The following ST7 variants were observed in gnomAD, a reference collection of about 807,000 sequenced individuals.
ST7 encodes the protein suppression of tumorigenicity 7, also known as suppressor of tumorigenicity 7 protein.
Under a neutral mutation model 78.7 loss-of-function variants are expected in ST7, and 28 were observed. That is an observed-to-expected ratio of 0.36 (90% CI 0.26 to 0.49). The LOEUF (loss-of-function observed/expected upper bound fraction) is 0.49. ST7 is among the 20% of genes least tolerant of loss of function. The probability of loss-of-function intolerance (pLI) is 0.99; values close to 1 mark genes in which losing one functional copy is unlikely to be tolerated. For synonymous variants in ST7, 247 were observed against 249.6 expected, an observed-to-expected ratio of 0.99 and a Z score of 0.10; for missense variants, 418 against 696.0, an observed-to-expected ratio of 0.60 and a Z score of 4.49.
intron 12 of ST7, among the ~76,000 whole-genome samples, chr7:117,204,006 G>A (rs144853319): frequency 7.5e-4 from 114 of 152,328 alleles, no homozygotes; most frequent in Middle Eastern, 6.8e-3. Flanking sequence ...GGTGCCTTGT[G>A]ATGAGGACCC....
At chr7:117,211,482 G>A (rs1792288981) in intron 13 of ST7, among the ~76,000 whole-genome samples, 1 of 152,122 alleles carries the variant, frequency 6.6e-6, no homozygotes, top group Admixed American at 6.5e-5. Context: ...GGGTTGAACG[G>A]GAGAGGCCTC....
intron 6 of ST7, 143 bp downstream of exon 6, chr7:117,132,103 T>G: frequency 2.5e-6 from 2 of 800,026 alleles, no homozygotes; most frequent in Non-Finnish European, 3.8e-6. Context: ...TTAAAAAAGT[T>G]TTTTTTTTAA....
chr7:117,050,170 G>A (rs1031081918), intron 1 of ST7, among the ~76,000 whole-genome samples: 1 of 149,888 alleles, frequency 6.7e-6, no homozygotes, highest in African/African-American at 2.5e-5. Flanking sequence ...AGCTGAGATT[G>A]CACCACTGCA....
intron 1 of ST7, among the ~76,000 whole-genome samples, chr7:117,097,896 ATATATATATATATTTTTT>A (rs1265439265): frequency 8.2e-5 from 2 of 24,294 alleles, no homozygotes; most frequent in African/African-American, 1.9e-4. Context: ...ATATATATAT[ATATATATATATATTTTTT>A]TTTTTTTTTT....
intron 1 of ST7, among the ~76,000 whole-genome samples, chr7:116,964,198 G>A (rs1792984350): frequency 6.6e-6 from 1 of 152,142 alleles, no homozygotes; most frequent in Non-Finnish European, 1.5e-5. Context: ...GTTTTGGTCA[G>A]TTGTTAATAC....
chr7:117,136,301 T>A, intron 8 of ST7, 66 bp downstream of exon 8: 1 of 1,589,544 alleles, frequency 6.3e-7, no homozygotes, highest in Non-Finnish European at 8.6e-7. Flanking sequence ...TCAGAGCAAA[T>A]TTTTAGTCCA....
At chr7:117,183,775 T>C (rs982926461) in intron 10 of ST7, among the ~76,000 whole-genome samples, 1 of 152,346 alleles carries the variant, frequency 6.6e-6, no homozygotes, top group African/African-American at 2.4e-5. Context: ...CCCTGAGAAA[T>C]GAGTTTTCTT....
At chr7:117,136,054 G>T in intron 7 of ST7, 27 bp from the exon 8 acceptor site, 1 of 1,609,708 alleles carries the variant, frequency 6.2e-7, no homozygotes, top group Non-Finnish European at 8.5e-7. Context: ...CTTTGTAATT[G>T]ATGGTGGCTA....
Position 117,094,586 on chromosome 7 carries a change from C to T in ST7, c.152-5176C>T, listed in dbSNP as rs553987843. ...TCCCCAGAATCTGGCCCAGTGTAGG[C>T]ACTCAGCAGCTATAGACTGATGTTA... On this transcript the variant is annotated intron_variant, in intron 1 of 15. Coordinates refer to ENST00000323984, the MANE Select transcript of ST7 (RefSeq NM_001369598.1). Among the ~76,000 whole-genome samples the T allele has an allele frequency of 3.3e-5, 5 of 152,318 alleles. No individual in the cohort carries two copies. In the East Asian group the frequency reaches 9.6e-4, roughly 29 times the overall value.
chr7:117,092,237 C>G (rs1303393579), intron 1 of ST7, among the ~76,000 whole-genome samples: 1 of 141,542 alleles, frequency 7.1e-6, no homozygotes, highest in Non-Finnish European at 1.5e-5. Flanking sequence ...CAAGATCACG[C>G]CACTGCACTC....
At chr7:117,050,928 CAAAAA>C (rs11302280) in intron 1 of ST7, among the ~76,000 whole-genome samples, 3 of 112,178 alleles carry the variant, frequency 2.7e-5, no homozygotes, top group Admixed American at 8.7e-5. Context: ...GACTACGTCT[CAAAAA>C]AAAAAAAAAA....
rs1431507377 is a variant in ST7 at position 117,190,580 on chromosome 7, T to C, written c.1152-254T>C. On this transcript the variant is annotated intron_variant, in intron 11 of 15. Coordinates refer to ENST00000323984, the MANE Select transcript of ST7 (RefSeq NM_001369598.1). This position sits in a 1 kb window ranked among gnomAD's most constrained non-coding sequence, Gnocchi z 5.2. ...CAGGTACCTCGTAGAAGATTTAGAT[T>C]AGCCATTTAGACAGAGACTTGACAG... is the stretch of plus-strand genomic sequence containing the variant. Among the ~76,000 whole-genome samples the C allele has an allele frequency of 6.6e-6, 1 of 152,204 alleles. No homozygotes were observed. Among genetic ancestry groups the C allele is most frequent in the African/African-American group, 2.4e-5 (1 of 41,452 alleles).
chr7:117,160,972 G>T (rs916488545), intron 9 of ST7, among the ~76,000 whole-genome samples: 1 of 152,102 alleles, frequency 6.6e-6, no homozygotes, highest in Non-Finnish European at 1.5e-5. Flanking sequence ...TCCAGCTGTG[G>T]TTCATGTGGG....
intron 2 of ST7, among the ~76,000 whole-genome samples, chr7:117,118,627 G>A (rs921828624): frequency 6.6e-6 from 1 of 152,190 alleles, no homozygotes; most frequent in Non-Finnish European, 1.5e-5. Flanking sequence ...GGATATGATT[G>A]ATTCTTAAAT....
intron 8 of ST7, 163 bp downstream of exon 8, chr7:117,136,398 A>G: frequency 1.3e-6 from 1 of 771,678 alleles, no homozygotes; most frequent in South Asian, 1.8e-5. Context: ...AAGTGCAGTT[A>G]GTAAATAATT....
rs949679894 is a variant in ST7 at position 117,007,906 on chromosome 7, TAGAA to T, written c.151+54217_151+54220del. On this transcript the variant is annotated intron_variant, in intron 1 of 15. Coordinates refer to ENST00000323984, the MANE Select transcript of ST7 (RefSeq NM_001369598.1). ...TTGCACAGGCACAAATGTCTGTCTC[TAGAA>T]ACATTTTCCAAGTAATACACTTCAC... 4.6e-5 allele frequency among the ~76,000 whole-genome samples: 7 copies of T among 152,250 alleles called. 1 individual carries two copies. Among genetic ancestry groups the T allele is most frequent in the Non-Finnish European group, 8.8e-5 (6 of 68,028 alleles).
chr7:117,067,185 C>T (rs1446292235), intron 1 of ST7, among the ~76,000 whole-genome samples: 2 of 151,866 alleles, frequency 1.3e-5, no homozygotes, highest in African/African-American at 2.4e-5. Flanking sequence ...GGCTTATGAA[C>T]GATACTTCTC....
intron 1 of ST7, among the ~76,000 whole-genome samples, chr7:117,012,931 C>G (rs1161012972): frequency 6.6e-6 from 1 of 152,130 alleles, no homozygotes; most frequent in East Asian, 1.9e-4. Flanking sequence ...ACTCATCTGT[C>G]CATCGGTCTT....
intron 1 of ST7, among the ~76,000 whole-genome samples, chr7:117,097,782 C>G (rs1801166792): frequency 7.0e-6 from 1 of 142,006 alleles, no homozygotes; most frequent in Admixed American, 7.2e-5. Context: ...AAATCTCCTT[C>G]CTTCCACGAA....
Sources: allele counts gnomAD v4.1 joint callset (sites outside exome capture counted in the v4.1 genomes callset), GRCh38; gene constraint gnomAD v4.1.1; non-coding constraint Gnocchi (gnomAD v3.1); transcripts MANE v1.5; gene names NCBI Gene and HGNC (gene_info 2026-07-23, HGNC 2026-07-21).